The following PGAP2 variants were observed in gnomAD, a reference collection of about 807,000 sequenced individuals.
The protein encoded by PGAP2 is post-GPI attachment to proteins 2, also known as acyltransferase PGAP2.
Under a neutral mutation model 33.2 loss-of-function variants are expected in PGAP2, and 21 were observed. The ratio of observed to expected loss-of-function variants is 0.63; its 90% CI spans 0.45 to 0.91. PGAP2 has a LOEUF of 0.91. Ranked by LOEUF, PGAP2 falls within the 40% of genes least tolerant of loss-of-function variation. The pLI, the probability that PGAP2 is intolerant of heterozygous loss-of-function variation, is 0.00. For synonymous variants in PGAP2, 161 were observed against 172.9 expected, an observed-to-expected ratio of 0.93 and a Z score of 0.54; for missense variants, 345 against 424.0, an observed-to-expected ratio of 0.81 and a Z score of 1.64.
At position 3,825,541 on chromosome 11, in the gene PGAP2, A is replaced by C; in HGVS notation, c.*83A>C. The C allele has an allele frequency of 2.1e-6, 3 of 1,406,218 alleles. No homozygotes were observed. The highest frequency in any genetic ancestry group is 2.9e-6 in the Non-Finnish European group (3 of 1,022,432). 87.1% of individuals were successfully genotyped at this position (1,406,218 alleles called of 1,614,324 possible). ...ACCATTCTGGCCTTCCCCACCCCAC[A>C]TCCTCTCTTGGCCTTACTGAAGATG... On this transcript the variant is annotated 3_prime_UTR_variant, in exon 7 of 7. Transcript: ENST00000278243.
Position 3,811,144 on chromosome 11 carries a change from C to T in PGAP2, c.-10-106C>T, listed in dbSNP as rs1455508134. Reference sequence around the variant, plus strand: ...GGTGCCTTCCTCCTCAGACTCCCCACCCCACAGCACACAGCTAATTTTAGG... The same window carrying T: ...GGTGCCTTCCTCCTCAGACTCCCCATCCCACAGCACACAGCTAATTTTAGG... On this transcript the variant is annotated intron_variant, in intron 1 of 6. Transcript: ENST00000278243. This position sits in a 1 kb window ranked among gnomAD's most constrained non-coding sequence, Gnocchi z 4.6. 1 of 1,044,152 alleles carries T rather than the reference C, an allele frequency of 9.6e-7. No homozygotes were observed. The highest frequency in any genetic ancestry group is 1.6e-5 in the African/African-American group (1 of 62,578). The allele number at this position is 1,044,152 out of a possible 1,614,324, so 64.7% of individuals were successfully genotyped here. A position where few individuals can be genotyped will look rare whatever the true frequency, so the allele number is the denominator to read the frequency against.
rs766741261 is a variant in PGAP2, at chr11:3,825,005, C to T, written c.709-15C>T. ...CCCAGCAAGCTGCAGAGTGATCAGA[C>T]AGCCCATTCCCTAGGATCGCAAGTC... On this transcript the variant is annotated splice_polypyrimidine_tract_variant and intron_variant, in intron 5 of 6. Transcript: ENST00000278243. 3.1e-6 allele frequency: 5 copies of T among 1,613,914 alleles called. No homozygotes were observed. The African/African-American group carries it at 5.3e-5, about 17-fold the overall frequency.
intron 2 of PGAP2, among the ~76,000 whole-genome samples, chr11:3,814,789 TTTCTTTCTTTC>T (rs2086507144): frequency 9.0e-6 from 1 of 110,664 alleles, no homozygotes; most frequent in African/African-American, 2.7e-5. Context: ...TCTTTCTTTC[TTTCTTTCTTTC>T]TTTCTTTCTT....
chr11:3,807,669 C>T (rs940285136), upstream of PGAP2, among the ~76,000 whole-genome samples: 3 of 152,068 alleles, frequency 2.0e-5, no homozygotes, highest in African/African-American at 7.2e-5. Context: ...CTGGGATATA[C>T]TGGGTGTTCA....
At position 3,819,024 on chromosome 11, in the gene PGAP2, A is replaced by G. The variant is rs148513589; in HGVS notation, c.348+1489A>G. On this transcript the variant is annotated intron_variant, in intron 3 of 6. Coordinates refer to ENST00000278243, the MANE Select transcript of PGAP2 (RefSeq NM_014489.4). Reference sequence around the variant, plus strand: ...AGCTTTGGAAAGATTTTAGGCAGGAAAGGGACATGATCAGATTTGTGCTTT... The same window carrying G: ...AGCTTTGGAAAGATTTTAGGCAGGAGAGGGACATGATCAGATTTGTGCTTT... Among the ~76,000 whole-genome samples the G allele has an allele frequency of 2.0e-4, 31 of 152,218 alleles. 1 individual carries two copies. The highest frequency in any genetic ancestry group is 7.5e-4 in the African/African-American group (31 of 41,532).
rs371919171 is a variant in PGAP2, at chr11:3,825,052, C to T, written c.741C>T (p.Leu247=). 6.2e-7 allele frequency: 1 copy of T among 1,614,092 alleles called. No homozygotes were observed. The highest frequency in any genetic ancestry group is 1.3e-5 in the African/African-American group (1 of 74,938). The stretch of plus-strand genomic sequence containing the variant: ...AGTCCTACAGCTGGAAACAGCGGCT[C>T]TTCATCATCAACTTCATCTCCTTCT... ...DRKSYSWKQR[L]FIINFISFFS... is the part of the protein sequence containing the mutation. Residue 247 remains leucine, a synonymous_variant, in exon 6 of 7, where the codon CTC becomes CTT. Coordinates refer to ENST00000278243, the MANE Select transcript of PGAP2 (RefSeq NM_014489.4).
chr11:3,814,752 CTTTCTTT>C (rs2086427979), intron 2 of PGAP2, among the ~76,000 whole-genome samples: 1 of 79,420 alleles, frequency 1.3e-5, no homozygotes, highest in African/African-American at 5.7e-5. Context: ...TCCTTCTTTT[CTTTCTTT>C]CTTTCTTTCT....
At chr11:3,804,152 T>C (rs992083217), upstream of PGAP2, among the ~76,000 whole-genome samples, 4 of 152,156 alleles carry the variant, frequency 2.6e-5, no homozygotes, top group Non-Finnish European at 5.9e-5. Context: ...ATTATTTTAG[T>C]GATCTCCCTA....
At chr11:3,824,821 C>G in intron 5 of PGAP2, 199 bp from the exon 6 acceptor site, 1 of 1,436,196 alleles carries the variant, frequency 7.0e-7, no homozygotes, top group Non-Finnish European at 9.1e-7. Flanking sequence ...TACCACTGCT[C>G]CTCGGCCCAT....
Position 3,808,650 on chromosome 11 carries a change from G to A in PGAP2, c.-12G>A. ...GCCGGCACTCTCGCCACCACCGCGT[G>A]GGTGAGTATGGGCATGGATGTGCTG... On this transcript the variant is annotated splice_region_variant and 5_prime_UTR_variant, in exon 1 of 7. Coordinates refer to ENST00000278243, the MANE Select transcript of PGAP2 (RefSeq NM_014489.4). 1.6e-6 allele frequency: 2 copies of A among 1,256,966 alleles called. No individual in the cohort carries two copies. Among genetic ancestry groups the A allele is most frequent in the East Asian group, 4.1e-5 (1 of 24,276 alleles). The allele number at this position is 1,256,966 out of a possible 1,614,324, so 77.9% of individuals were successfully genotyped here.
At chr11:3,812,119 G>C (rs1426894272) in intron 2 of PGAP2, among the ~76,000 whole-genome samples, 1 of 151,952 alleles carries the variant, frequency 6.6e-6, no homozygotes, top group Non-Finnish European at 1.5e-5. Context: ...TATGGGGTGC[G>C]GGGCCAGGAA....
intron 2 of PGAP2, among the ~76,000 whole-genome samples, chr11:3,812,673 G>A (rs2085846582): frequency 6.6e-6 from 1 of 152,224 alleles, no homozygotes; most frequent in South Asian, 2.1e-4. Flanking sequence ...GAGTTCTGAA[G>A]GCCCCAGCCA....
At chr11:3,818,825 T>TA (rs945142496) in intron 3 of PGAP2, among the ~76,000 whole-genome samples, 2 of 152,074 alleles carry the variant, frequency 1.3e-5, no homozygotes, top group Admixed American at 1.3e-4. Context: ...CTATTATGAT[T>TA]AAAAAAAGAG....
rs377494213 is a variant in PGAP2, at chr11:3,810,966, G to T, written c.-10-284G>T. Among the ~76,000 whole-genome samples, 3 of 152,328 alleles carry T rather than the reference G, an allele frequency of 2.0e-5. No homozygotes were observed. The East Asian group carries it at 5.8e-4, about 29-fold the overall frequency. Reference sequence around the variant, plus strand: ...TCTAGTCCTAGGCCTGTCAAGCTAGGCAGAGAGGAGTGAGGAGAAGCTCTC... The same window carrying T: ...TCTAGTCCTAGGCCTGTCAAGCTAGTCAGAGAGGAGTGAGGAGAAGCTCTC... On this transcript the variant is annotated intron_variant, in intron 1 of 6. Coordinates refer to ENST00000278243, the MANE Select transcript of PGAP2 (RefSeq NM_014489.4).
At chr11:3,808,132 A>C, upstream of PGAP2, 4 of 1,457,976 alleles carry the variant, frequency 2.7e-6, no homozygotes, top group Non-Finnish European at 3.7e-6. Flanking sequence ...CCTGACGAGC[A>C]AAGTTTGGGG....
upstream of PGAP2, among the ~76,000 whole-genome samples, chr11:3,807,315 T>TG (rs1285242346): frequency 6.8e-6 from 1 of 146,686 alleles, no homozygotes; most frequent in African/African-American, 2.6e-5. Context: ...ACAGGTTTTT[T>TG]TTTTTTTTTT....
At chr11:3,799,109 C>A (rs1462004429) in intron 1 of PGAP2, among the ~76,000 whole-genome samples, 2 of 152,224 alleles carry the variant, frequency 1.3e-5, no homozygotes, top group Admixed American at 6.5e-5. Flanking sequence ...GTGCCTTGGG[C>A]TCTTCTTGGA....
At chr11:3,809,630 A>G (rs999799310) in intron 1 of PGAP2, among the ~76,000 whole-genome samples, 2 of 152,228 alleles carry the variant, frequency 1.3e-5, no homozygotes, top group African/African-American at 4.8e-5. Flanking sequence ...CTGCAACTGC[A>G]GAGTCTAGGT....
chr11:3,815,156 G>A, intron 2 of PGAP2, among the ~76,000 whole-genome samples: 1 of 151,878 alleles, frequency 6.6e-6, no homozygotes, highest in African/African-American at 2.4e-5. Flanking sequence ...CCAGGCTGAA[G>A]CTTTTACTTA....
Sources: gnomAD v4.1 joint callset for allele counts (sites outside exome capture counted in the v4.1 genomes callset) on GRCh38, gnomAD v4.1.1 for gene constraint, Gnocchi (gnomAD v3.1) non-coding constraint, MANE v1.5 for transcripts, NCBI Gene and HGNC (gene_info 2026-07-23, HGNC 2026-07-21) for gene names.